Variants in SLC24A3 observed in about 807,000 individuals in gnomAD.
SLC24A3 encodes the protein solute carrier family 24 member 3.
SLC24A3 carries 28 observed loss-of-function variants against 75.8 expected under a neutral mutation model. The observed-to-expected ratio is 0.37, with a 90% CI of 0.27 to 0.51. SLC24A3 has a LOEUF of 0.51. Among genes scored for constraint, SLC24A3 ranks in the 20% least tolerant of loss-of-function variants. The probability of loss-of-function intolerance (pLI) is 0.94; values close to 1 mark genes in which losing one functional copy is unlikely to be tolerated. For missense variants in SLC24A3, 663 were observed against 847.8 expected (o/e 0.78, Z 2.71); for synonymous variants, 372 against 334.1 (o/e 1.11, Z -1.24).
At chr20:19,226,995 A>T (rs1981887105) in intron 1 of SLC24A3, among the ~76,000 whole-genome samples, 1 of 152,204 alleles carries the variant, frequency 6.6e-6, no homozygotes, top group South Asian at 2.1e-4. Flanking sequence ...GGATTTCTAA[A>T]GGTGGTATTT....
intron 1 of SLC24A3, chr20:19,265,753 C>G (rs939096655): frequency 5.9e-5 from 9 of 152,824 alleles, no homozygotes; most frequent in African/African-American, 2.2e-4. Flanking sequence ...CATCTGCGGA[C>G]TCTCAGCCTC....
At chr20:19,252,966 A>G (rs892490632) in intron 1 of SLC24A3, among the ~76,000 whole-genome samples, 1 of 152,210 alleles carries the variant, frequency 6.6e-6, no homozygotes, top group Non-Finnish European at 1.5e-5. Context: ...TAATTATGCA[A>G]TGGGTGCTTC....
intron 6 of SLC24A3, among the ~76,000 whole-genome samples, chr20:19,646,627 A>G (rs979202017): frequency 2.0e-5 from 3 of 152,308 alleles, no homozygotes; most frequent in South Asian, 2.1e-4. Context: ...ATCCAGCTCC[A>G]TGGCATTTCA....
chr20:19,451,454 C>G (rs757495596), intron 2 of SLC24A3, among the ~76,000 whole-genome samples: 21 of 152,218 alleles, frequency 1.4e-4, no homozygotes, highest in Non-Finnish European at 2.9e-4. Context: ...CTCTGTAGCC[C>G]TTTGAGCGGA....
chr20:19,411,750 C>T (rs997019020), intron 2 of SLC24A3, among the ~76,000 whole-genome samples: 2 of 152,188 alleles, frequency 1.3e-5, no homozygotes, highest in African/African-American at 2.4e-5. Flanking sequence ...AGAGCAGAAA[C>T]GCAAATGTTT....
rs542236074 is a variant in SLC24A3 at position 19,373,775 on chromosome 20, G to A, written c.271+92688G>A. ...AGCTGCTGCTATCCATCATTTTCCT[G>A]GAGTGGGTGGGCTTCTGAATTTGGA... On this transcript the variant is annotated intron_variant, in intron 2 of 16. Transcript: ENST00000328041. Among the ~76,000 whole-genome samples, 5 of 152,248 alleles carry A rather than the reference G, an allele frequency of 3.3e-5. No individual in the cohort carries two copies. The East Asian group carries it at 7.7e-4, about 24-fold the overall frequency.
chr20:19,604,939 G>A (rs1234629239), intron 6 of SLC24A3, among the ~76,000 whole-genome samples: 1 of 152,138 alleles, frequency 6.6e-6, no homozygotes, highest in East Asian at 1.9e-4. Flanking sequence ...CAGGCTGTCA[G>A]CATTCCCCTC....
At chr20:19,269,465 C>G (rs1440812871) in intron 1 of SLC24A3, among the ~76,000 whole-genome samples, 1 of 152,246 alleles carries the variant, frequency 6.6e-6, no homozygotes, top group Non-Finnish European at 1.5e-5. Context: ...TAACAAGTAG[C>G]ATTTAACTGA....
chr20:19,281,096 G>A lies in SLC24A3; in HGVS notation c.271+9G>A. ...GAACTGCACCGAACCAGGTAACAGT[G>A]CTGACTACTCATGGGCAGCAGCTGT... On this transcript the variant is annotated intron_variant, in intron 2 of 16. Coordinates refer to ENST00000328041, the MANE Select transcript of SLC24A3 (RefSeq NM_020689.4). The A allele has an allele frequency of 6.2e-7, 1 of 1,613,984 alleles. No homozygotes were observed. Among genetic ancestry groups the A allele is most frequent in the Admixed American group, 1.7e-5 (1 of 60,024 alleles).
rs1201064601 is a variant in SLC24A3, at chr20:19,648,265, TG to T, written c.613-5795del. 4.6e-5 allele frequency among the ~76,000 whole-genome samples: 7 copies of T among 152,300 alleles called. No homozygotes were observed. The East Asian group carries it at 1.2e-3, about 25-fold the overall frequency. ...AGCCCCATCCTCACTGCAGATCAGG[TG>T]GCTGTGTTTCCTGAGATGAGAATTG... On this transcript the variant is annotated intron_variant, in intron 6 of 16. Transcript: ENST00000328041.
chr20:19,701,330 T>C (rs1369076108), intron 15 of SLC24A3, among the ~76,000 whole-genome samples: 3 of 148,366 alleles, frequency 2.0e-5, no homozygotes, highest in Non-Finnish European at 4.4e-5. Context: ...ACCTCGTAAT[T>C]TGGTGCCCCC....
chr20:19,234,792 A>G (rs1473484816), intron 1 of SLC24A3, among the ~76,000 whole-genome samples: 2 of 152,176 alleles, frequency 1.3e-5, no homozygotes, highest in African/African-American at 4.8e-5. Context: ...AATGGCTATC[A>G]TTTCTGTTGC....
intron 2 of SLC24A3, among the ~76,000 whole-genome samples, chr20:19,479,748 T>C (rs1310738923): frequency 6.6e-6 from 1 of 152,208 alleles, no homozygotes; most frequent in Admixed American, 6.5e-5. Context: ...TGGAGCTGCA[T>C]CAGGGGCATT....
intron 15 of SLC24A3, among the ~76,000 whole-genome samples, chr20:19,716,064 G>A (rs2328443): frequency 0.69 from 105,570 of 152,090 alleles, 37,106 homozygotes; most frequent in East Asian, 0.94. Context: ...GAATCACCTG[G>A]AGTTAAAGCA....
chr20:19,551,265 T>A (rs988678093), intron 3 of SLC24A3, among the ~76,000 whole-genome samples: 4 of 152,128 alleles, frequency 2.6e-5, no homozygotes, highest in Admixed American at 2.0e-4. Context: ...GAGGTGAAGA[T>A]GAGAATGGAA....
chr20:19,561,525 T>C (rs2030874856), intron 3 of SLC24A3, among the ~76,000 whole-genome samples: 1 of 152,172 alleles, frequency 6.6e-6, no homozygotes, highest in African/African-American at 2.4e-5. Flanking sequence ...CCCCCACAGA[T>C]GCAGTCGAAG....
At chr20:19,594,100 G>A (rs886907110) in intron 6 of SLC24A3, among the ~76,000 whole-genome samples, 1 of 152,128 alleles carries the variant, frequency 6.6e-6, no homozygotes, top group African/African-American at 2.4e-5. Context: ...CTCCACCCTT[G>A]GGCAAAAAAG....
intron 2 of SLC24A3, among the ~76,000 whole-genome samples, chr20:19,436,029 C>T (rs902483240): frequency 7.9e-5 from 12 of 152,178 alleles, no homozygotes; most frequent in African/African-American, 2.2e-4. Flanking sequence ...GGTTTAAGAT[C>T]TTCCTCAGTT....
chr20:19,491,840 A>C (rs1600251493), intron 2 of SLC24A3, among the ~76,000 whole-genome samples: 1 of 152,130 alleles, frequency 6.6e-6, no homozygotes, highest in African/African-American at 2.4e-5. Flanking sequence ...CTCAGTGTGA[A>C]TTCTCCCTCC....
Sources: allele counts gnomAD v4.1 joint callset (sites outside exome capture counted in the v4.1 genomes callset), GRCh38; gene constraint gnomAD v4.1.1; transcripts MANE v1.5; gene names NCBI Gene and HGNC (gene_info 2026-07-23, HGNC 2026-07-21).